The following HS6ST3 variants were observed in gnomAD, a reference collection of about 807,000 sequenced individuals.
HS6ST3 encodes heparan sulfate 6-O-sulfotransferase 3, also known as heparan-sulfate 6-O-sulfotransferase 3.
HS6ST3 carries 12 observed loss-of-function variants against 36.7 expected under a neutral mutation model. The ratio of observed to expected loss-of-function variants is 0.33; its 90% CI spans 0.21 to 0.53. HS6ST3 has a LOEUF of 0.53. Ranked by LOEUF, HS6ST3 falls within the 20% of genes least tolerant of loss-of-function variation. The pLI is 0.95. For missense variants in HS6ST3, 584 were observed against 640.9 expected, an observed-to-expected ratio of 0.91 and a Z score of 0.96; for synonymous variants, 240 against 257.5, an observed-to-expected ratio of 0.93 and a Z score of 0.65.
intron 1 of HS6ST3, among the ~76,000 whole-genome samples, chr13:96,570,516 G>A (rs2056297235): frequency 6.6e-6 from 1 of 152,200 alleles, no homozygotes; most frequent in South Asian, 2.1e-4. Flanking sequence ...TACGGGTCAG[G>A]GAGTTGAGAC....
chr13:96,614,214 C>T (rs1439151379), intron 1 of HS6ST3, among the ~76,000 whole-genome samples: 3 of 137,992 alleles, frequency 2.2e-5, no homozygotes, highest in African/African-American at 8.1e-5. Flanking sequence ...AGGAGAATGG[C>T]GAGAACCCGG....
intron 1 of HS6ST3, among the ~76,000 whole-genome samples, chr13:96,612,439 A>G (rs1356206954): frequency 6.6e-6 from 1 of 151,992 alleles, no homozygotes; most frequent in African/African-American, 2.4e-5. Flanking sequence ...GTCCTCACTC[A>G]TTTCCCAATT....
intron 1 of HS6ST3, among the ~76,000 whole-genome samples, chr13:96,665,067 G>A (rs1390763685): frequency 9.9e-5 from 15 of 152,144 alleles, no homozygotes; most frequent in Non-Finnish European, 1.9e-4. Flanking sequence ...AACTACTCAG[G>A]AGGCTGAGCT....
chr13:96,223,526 C>G (rs1477293907), intron 1 of HS6ST3, among the ~76,000 whole-genome samples: 2 of 152,160 alleles, frequency 1.3e-5, no homozygotes, highest in African/African-American at 4.8e-5. Context: ...CAGCCTGGGC[C>G]TGAACCCAAG....
chr13:96,580,446 C>A (rs1298097120), intron 1 of HS6ST3, among the ~76,000 whole-genome samples: 1 of 151,100 alleles, frequency 6.6e-6, no homozygotes, highest in Admixed American at 6.6e-5. Flanking sequence ...AGCAGTAAGC[C>A]CATTTAAAAT....
At chr13:96,576,833 A>G (rs1336489492) in intron 1 of HS6ST3, among the ~76,000 whole-genome samples, 3 of 150,724 alleles carry the variant, frequency 2.0e-5, no homozygotes, top group African/African-American at 7.3e-5. Context: ...AATCCCAGCT[A>G]CTCGGGAGCC....
chr13:96,257,155 C>T (rs1196480915), intron 1 of HS6ST3, among the ~76,000 whole-genome samples: 1 of 152,084 alleles, frequency 6.6e-6, no homozygotes, highest in East Asian at 1.9e-4. Context: ...CTTAATAGTG[C>T]CAGTACTTAA....
intron 1 of HS6ST3, among the ~76,000 whole-genome samples, chr13:96,313,067 A>G (rs183106671): frequency 1.3e-5 from 2 of 150,740 alleles, no homozygotes; most frequent in Admixed American, 1.3e-4. Context: ...CTTAAAATGT[A>G]TTTGTTAGTA....
At chr13:96,133,129 T>C (rs1454372853) in intron 1 of HS6ST3, among the ~76,000 whole-genome samples, 3 of 151,960 alleles carry the variant, frequency 2.0e-5, no homozygotes, top group Non-Finnish European at 4.4e-5. Context: ...ATTAATTAAT[T>C]AATTATTATT....
At chr13:96,418,311 C>T (rs1189450030) in intron 1 of HS6ST3, among the ~76,000 whole-genome samples, 2 of 152,192 alleles carry the variant, frequency 1.3e-5, no homozygotes, top group African/African-American at 4.8e-5. Context: ...GTATGAATGA[C>T]CGCAAAAGTT....
chr13:96,702,843 A>G lies in HS6ST3; in HGVS notation c.708-129647A>G, dbSNP rs560658016. On this transcript the variant is annotated intron_variant, in intron 1 of 1. Transcript: ENST00000376705. ...CGAGTAAAAGGGGTGAGAGATGAAG[A>G]GGGTAGGTGACCTGGGAAAATAAAT... 3.9e-5 allele frequency among the ~76,000 whole-genome samples: 6 copies of G among 152,358 alleles called. No individual in the cohort carries two copies. In the East Asian group the frequency reaches 7.7e-4, roughly 20 times the overall value.
At chr13:96,238,588 G>A (rs774474418) in intron 1 of HS6ST3, among the ~76,000 whole-genome samples, 12 of 152,104 alleles carry the variant, frequency 7.9e-5, no homozygotes, top group South Asian at 2.1e-4. Context: ...TTCTTTCTTC[G>A]TCATTATTCT....
At chr13:96,165,368 T>C (rs2054155544) in intron 1 of HS6ST3, among the ~76,000 whole-genome samples, 1 of 152,204 alleles carries the variant, frequency 6.6e-6, no homozygotes. Context: ...GGGGGACTTC[T>C]GTTGCCCTGG....
chr13:96,276,904 A>G (rs980805489), intron 1 of HS6ST3, among the ~76,000 whole-genome samples: 1 of 152,188 alleles, frequency 6.6e-6, no homozygotes, highest in Non-Finnish European at 1.5e-5. Flanking sequence ...AAGATACTGC[A>G]AGCTGGTGAC....
chr13:96,261,417 A>G (rs866152176), intron 1 of HS6ST3, among the ~76,000 whole-genome samples: 1 of 152,090 alleles, frequency 6.6e-6, no homozygotes, highest in African/African-American at 2.4e-5. Context: ...AAAAGGGCAT[A>G]TGGAACTGTG....
intron 1 of HS6ST3, among the ~76,000 whole-genome samples, chr13:96,627,656 G>A (rs1442699468): frequency 6.6e-6 from 1 of 151,512 alleles, no homozygotes; most frequent in East Asian, 1.9e-4. Flanking sequence ...AGTTATTCAG[G>A]CCTGCTATTT....
chr13:96,123,946 T>G (rs1159973685), intron 1 of HS6ST3, among the ~76,000 whole-genome samples: 1 of 152,144 alleles, frequency 6.6e-6, no homozygotes, highest in Non-Finnish European at 1.5e-5. Flanking sequence ...TTAGAAGTAT[T>G]ATAGAAAAGG....
intron 1 of HS6ST3, among the ~76,000 whole-genome samples, chr13:96,677,508 CACAT>C (rs1474273644): frequency 6.6e-6 from 1 of 151,916 alleles, no homozygotes; most frequent in Non-Finnish European, 1.5e-5. Flanking sequence ...CATATATATA[CACAT>C]ACATATGTTA....
intron 1 of HS6ST3, among the ~76,000 whole-genome samples, chr13:96,398,961 AGTTC>A (rs745720962): frequency 2.6e-4 from 40 of 152,334 alleles, no homozygotes; most frequent in Non-Finnish European, 4.1e-4. Flanking sequence ...GAGGTCCCCC[AGTTC>A]AGAACAGAAT....
Sources: allele counts gnomAD v4.1 joint callset (sites outside exome capture counted in the v4.1 genomes callset), GRCh38; gene constraint gnomAD v4.1.1; transcripts MANE v1.5; gene names NCBI Gene and HGNC (gene_info 2026-07-23, HGNC 2026-07-21).